MAF: variants seen among roughly 807,000 people sequenced by gnomAD.
The protein encoded by MAF is transcription factor Maf.
A neutral mutation model predicts 22.0 loss-of-function variants in MAF; 10 were observed. The ratio of observed to expected loss-of-function variants is 0.45; its 90% confidence interval spans 0.28 to 0.77. MAF has a LOEUF of 0.77. Among genes scored for constraint, MAF ranks in the 30% least tolerant of loss-of-function variants. The pLI, the probability that MAF is intolerant of heterozygous loss-of-function variation, is 0.12. For missense variants in MAF, 544 were observed against 548.4 expected (o/e 0.99, Z 0.08); for synonymous variants, 337 against 255.8 (o/e 1.32, Z -3.03).
the MAF span, among the ~76,000 whole-genome samples, chr16:79,219,743 G>A: frequency 6.6e-6 from 1 of 151,966 alleles, no homozygotes; most frequent in Non-Finnish European, 1.5e-5. Flanking sequence ...CTGCGTCTGT[G>A]ATCTCCTGTA....
chr16:79,209,662 C>T, the MAF span, among the ~76,000 whole-genome samples: 10 of 152,124 alleles, frequency 6.6e-5, no homozygotes, highest in Non-Finnish European at 1.0e-4. Context: ...TACAAAACAC[C>T]ATCTCCACCA....
the MAF span, among the ~76,000 whole-genome samples, chr16:79,452,827 G>C: frequency 6.6e-6 from 1 of 152,206 alleles, no homozygotes; most frequent in Non-Finnish European, 1.5e-5. Flanking sequence ...TACCTCTTGA[G>C]TGCACTTGGG....
At chr16:79,374,358 C>T in the MAF span, among the ~76,000 whole-genome samples, 1 of 152,162 alleles carries the variant, frequency 6.6e-6, no homozygotes, top group Non-Finnish European at 1.5e-5. Context: ...TCAATGAGCT[C>T]TGTAGAATTT....
the MAF span, among the ~76,000 whole-genome samples, chr16:79,542,245 G>C: frequency 6.6e-6 from 1 of 152,178 alleles, no homozygotes; most frequent in African/African-American, 2.4e-5. Context: ...GTCCAAGCGA[G>C]CTCCACGAAG....
the MAF span, among the ~76,000 whole-genome samples, chr16:79,357,489 A>G: frequency 6.6e-6 from 1 of 152,126 alleles, no homozygotes; most frequent in Non-Finnish European, 1.5e-5. Context: ...GGGTCCCTGA[A>G]AGTCTCCTGA....
At chr16:79,490,451 G>T in the MAF span, among the ~76,000 whole-genome samples, 1 of 152,232 alleles carries the variant, frequency 6.6e-6, no homozygotes, top group East Asian at 1.9e-4. Flanking sequence ...TGAGCTTTAA[G>T]AGTCTCTGGT....
chr16:79,487,083 T>C, the MAF span, among the ~76,000 whole-genome samples: 169 of 152,190 alleles, frequency 1.1e-3, no homozygotes, highest in Non-Finnish European at 1.6e-3. Flanking sequence ...TATTGAAATC[T>C]CCTCCAAAAC....
chr16:79,419,772 T>A, the MAF span, among the ~76,000 whole-genome samples: 1 of 152,192 alleles, frequency 6.6e-6, no homozygotes, highest in Admixed American at 6.5e-5. Flanking sequence ...GTATACCTAA[T>A]CAAGAGTGCA....
chr16:79,514,869 C>A, the MAF span, among the ~76,000 whole-genome samples: 702 of 152,282 alleles, frequency 4.6e-3, 7 homozygotes, highest in African/African-American at 0.016. Flanking sequence ...CTCCAACAGA[C>A]CTCATGGTTG....
chr16:79,234,926 C>T, the MAF span, among the ~76,000 whole-genome samples: 2 of 152,066 alleles, frequency 1.3e-5, no homozygotes, highest in Non-Finnish European at 2.9e-5. Flanking sequence ...CCCTTCTTTA[C>T]ACTCCTGCCA....
the MAF span, among the ~76,000 whole-genome samples, chr16:79,475,654 T>A: frequency 9.9e-4 from 151 of 152,256 alleles, no homozygotes; most frequent in South Asian, 0.024. Context: ...GTGGGGCTCA[T>A]TTCTTTGTCA....
chr16:79,206,413 C>G, the MAF span: 1 of 152,168 alleles, frequency 6.6e-6, no homozygotes, highest in African/African-American at 2.4e-5. Flanking sequence ...TGGCTTTGGA[C>G]GAGTTGCTTT....
chr16:79,357,788 G>T, the MAF span, among the ~76,000 whole-genome samples: 17 of 152,092 alleles, frequency 1.1e-4, no homozygotes, highest in African/African-American at 4.1e-4. Context: ...AACCACAAAA[G>T]ATCCCATTCT....
At chr16:79,498,585 C>T in the MAF span, among the ~76,000 whole-genome samples, 1 of 152,160 alleles carries the variant, frequency 6.6e-6, no homozygotes, top group Non-Finnish European at 1.5e-5. Flanking sequence ...TTGTTTACAA[C>T]TCACACCAGC....
At chr16:79,407,991 T>C in the MAF span, among the ~76,000 whole-genome samples, 3 of 139,150 alleles carry the variant, frequency 2.2e-5, no homozygotes, top group African/African-American at 5.4e-5. Context: ...CAGAGGGAGA[T>C]CGACCCTCAT....
At chr16:79,207,275 G>C in the MAF span, among the ~76,000 whole-genome samples, 3 of 152,240 alleles carry the variant, frequency 2.0e-5, no homozygotes, top group Non-Finnish European at 4.4e-5. Context: ...TATTTGCTTT[G>C]TCCAACAGAC....
At chr16:79,288,731 T>C in the MAF span, among the ~76,000 whole-genome samples, 1 of 151,910 alleles carries the variant, frequency 6.6e-6, no homozygotes, top group African/African-American at 2.4e-5. Context: ...AAGCAGTGTG[T>C]TGTTTGTTTG....
At chr16:79,556,491 C>A in the MAF span, among the ~76,000 whole-genome samples, 1 of 152,144 alleles carries the variant, frequency 6.6e-6, no homozygotes, top group African/African-American at 2.4e-5. Flanking sequence ...AATAACCCTG[C>A]AGAAGGAGAC....
At chr16:79,380,723 A>G in the MAF span, among the ~76,000 whole-genome samples, 1 of 152,224 alleles carries the variant, frequency 6.6e-6, no homozygotes, top group South Asian at 2.1e-4. Context: ...TGTTATACAG[A>G]TGGGAAGACT....
Sources: gnomAD v4.1 joint callset for allele counts (sites outside exome capture counted in the v4.1 genomes callset) on GRCh38, gnomAD v4.1.1 for gene constraint, MANE v1.5 for transcripts, NCBI Gene and HGNC (gene_info 2026-07-23, HGNC 2026-07-21) for gene names.